The following PEX14 variants were observed in gnomAD, a reference collection of about 807,000 sequenced individuals.
PEX14 encodes the protein peroxisomal membrane protein PEX14.
PEX14 carries 15 observed loss-of-function variants against 49.5 expected under a neutral mutation model. That is an observed-to-expected ratio of 0.30 (90% CI 0.20 to 0.47). PEX14 has a LOEUF of 0.47. Among genes scored for constraint, PEX14 ranks in the 20% least tolerant of loss-of-function variants. PEX14 has a pLI of 1.00. For missense variants in PEX14, 398 were observed against 494.8 expected (o/e 0.80, Z 1.86); for synonymous variants, 210 against 212.7 (o/e 0.99, Z 0.11).
At chr1:10,535,229 G>A (rs1201496379) in intron 2 of PEX14, among the ~76,000 whole-genome samples, 1 of 152,246 alleles carries the variant, frequency 6.6e-6, no homozygotes, top group Admixed American at 6.5e-5. Flanking sequence ...TAGGGCTGGT[G>A]TCTGGGGTGG....
chr1:10,615,103 C>T (rs1410363686), intron 4 of PEX14, among the ~76,000 whole-genome samples: 3 of 152,158 alleles, frequency 2.0e-5, no homozygotes, highest in Admixed American at 2.0e-4. Flanking sequence ...TTCTTAGACA[C>T]CGAGTGTCAC....
At chr1:10,550,795 G>A (rs959404095) in intron 3 of PEX14, among the ~76,000 whole-genome samples, 2 of 152,166 alleles carry the variant, frequency 1.3e-5, no homozygotes, top group African/African-American at 4.8e-5. Context: ...CTGCGCCTGT[G>A]CTCTCCCCTT....
chr1:10,552,324 C>A (rs575420802), intron 3 of PEX14, among the ~76,000 whole-genome samples: 1 of 152,128 alleles, frequency 6.6e-6, no homozygotes, highest in Non-Finnish European at 1.5e-5. Context: ...CGCCTGTAAT[C>A]CCAGTTACTC....
Position 10,629,737 on chromosome 1 carries a change from C to T in PEX14, c.884C>T (p.Pro295Leu). 1 of 1,597,230 alleles carries T rather than the reference C, an allele frequency of 6.3e-7. No homozygotes were observed. The highest frequency in any genetic ancestry group is 8.5e-7 in the Non-Finnish European group (1 of 1,171,858). Residue 295 changes from proline (P) to leucine (L), a missense_variant, in exon 9 of 9, where the codon CCC becomes CTC. Around this residue, in one of 3 missense-constraint regions of PEX14, gnomAD observed 140 missense variants for 155.5 expected, o/e 0.90. Coordinates refer to ENST00000356607, the MANE Select transcript of PEX14 (RefSeq NM_004565.3). The surrounding 1 kb of genome is among the most constrained non-coding windows in gnomAD (Gnocchi z 8.5). Reference protein sequence around the residue: ...GSTVTYHLLGPQEEGEGVVDV... With the variant: ...GSTVTYHLLGLQEEGEGVVDV... ...ACGGTCACCTACCACTTGCTGGGCCCCCAGGAGGAAGGCGAGGGGGTGGTG... is the reference window on the plus strand; with the variant it reads ...ACGGTCACCTACCACTTGCTGGGCCTCCAGGAGGAAGGCGAGGGGGTGGTG...
intron 2 of PEX14, chr1:10,524,495 G>A (rs1335110401): frequency 4.9e-6 from 4 of 810,582 alleles, no homozygotes; most frequent in Non-Finnish European, 6.0e-6. Flanking sequence ...TGAGAATTGT[G>A]TAAATTTTGT....
intron 3 of PEX14, among the ~76,000 whole-genome samples, chr1:10,577,857 T>A (rs886284928): frequency 6.6e-6 from 1 of 151,324 alleles, no homozygotes; most frequent in Non-Finnish European, 1.5e-5. Flanking sequence ...ATACCCAGCC[T>A]GGACACAGTA....
chr1:10,490,295 C>T (rs673254), intron 1 of PEX14, among the ~76,000 whole-genome samples: 60,145 of 151,966 alleles, frequency 0.4, 13,480 homozygotes, highest in Non-Finnish European at 0.51. Context: ...TCACAGTCAC[C>T]GGGCAGATGC....
intron 3 of PEX14, among the ~76,000 whole-genome samples, chr1:10,591,792 G>A (rs1640676174): frequency 6.6e-6 from 1 of 152,058 alleles, no homozygotes; most frequent in Non-Finnish European, 1.5e-5. Flanking sequence ...TGCAGACTCT[G>A]TCAAGTGGCA....
In PEX14 at chr1:10,548,151, A is replaced by G. The variant is rs144250837; in HGVS notation, c.169+11854A>G. Among the ~76,000 whole-genome samples, 487 of 152,348 alleles carry G rather than the reference A, an allele frequency of 3.2e-3. 7 individuals carry two copies. Among genetic ancestry groups the G allele is most frequent in the African/African-American group, 0.011 (463 of 41,582 alleles). ...AGAATCGCTTGAACCCTGGAGGCGG[A>G]GGTTGCAGTGAGCTGAGATCGCGCC... On this transcript the variant is annotated intron_variant, in intron 3 of 8. Transcript: ENST00000356607.
intron 5 of PEX14, among the ~76,000 whole-genome samples, chr1:10,620,108 CCTT>C (rs1641546112): frequency 6.6e-6 from 1 of 151,740 alleles, no homozygotes; most frequent in Admixed American, 6.6e-5. Flanking sequence ...GAGCAAGACT[CCTT>C]CTCAAAAAAG....
At position 10,624,359 on chromosome 1, in the gene PEX14, C is replaced by T. The variant is rs374000675; in HGVS notation, c.507C>T (p.Thr169=). ...VAQTVTQLQT[T]LASVQELLIQ... is the part of the protein sequence containing the mutation. ...TCGCAGTGACTCAGTTACAGACGACCCTCGCCTCCGTCCAGGAGCTGCTGA... is the reference window on the plus strand; with the variant it reads ...TCGCAGTGACTCAGTTACAGACGACTCTCGCCTCCGTCCAGGAGCTGCTGA... Residue 169 remains threonine, a synonymous_variant, in exon 7 of 9, where the codon ACC becomes ACT. Coordinates refer to ENST00000356607, the MANE Select transcript of PEX14 (RefSeq NM_004565.3). 3 of 1,612,924 alleles carry T rather than the reference C, an allele frequency of 1.9e-6. No homozygotes were observed. Among genetic ancestry groups the T allele is most frequent in the Non-Finnish European group, 2.5e-6 (3 of 1,179,370 alleles).
chr1:10,604,133 A>G (rs1641063449), intron 4 of PEX14, among the ~76,000 whole-genome samples: 1 of 152,174 alleles, frequency 6.6e-6, no homozygotes, highest in South Asian at 2.1e-4. Flanking sequence ...TCTGGTAGGA[A>G]AGACGGTTAG....
chr1:10,544,142 A>C (rs551036386), intron 3 of PEX14, among the ~76,000 whole-genome samples: 1 of 152,280 alleles, frequency 6.6e-6, no homozygotes, highest in South Asian at 2.1e-4. Flanking sequence ...CTATGACCCT[A>C]GTATGTAGTG....
intron 4 of PEX14, among the ~76,000 whole-genome samples, chr1:10,614,895 C>T (rs754865779): frequency 2.0e-5 from 3 of 152,174 alleles, no homozygotes; most frequent in African/African-American, 4.8e-5. Context: ...GTATCTGGAG[C>T]GCCAAGCAAA....
chr1:10,540,171 C>G (rs1378350793), intron 3 of PEX14, among the ~76,000 whole-genome samples: 3 of 152,328 alleles, frequency 2.0e-5, no homozygotes, highest in East Asian at 3.9e-4. Flanking sequence ...ACCCCGGTAG[C>G]AAAACCGCCT....
At chr1:10,622,509 A>G (rs1023168998) in intron 5 of PEX14, among the ~76,000 whole-genome samples, 1 of 152,160 alleles carries the variant, frequency 6.6e-6, no homozygotes, top group Non-Finnish European at 1.5e-5. Context: ...TTCTCCAGCG[A>G]TGTTTTGTTT....
At chr1:10,498,649 CA>C (rs1641612134) in intron 2 of PEX14, among the ~76,000 whole-genome samples, 1 of 152,216 alleles carries the variant, frequency 6.6e-6, no homozygotes, top group East Asian at 1.9e-4. Context: ...CAAACCAACC[CA>C]GCAACATTGA....
chr1:10,620,627 A>T (rs945915424), intron 5 of PEX14, among the ~76,000 whole-genome samples: 7 of 152,092 alleles, frequency 4.6e-5, no homozygotes, highest in Admixed American at 2.0e-4. Flanking sequence ...GTCTCTACTG[A>T]TAATACAAAA....
intron 3 of PEX14, among the ~76,000 whole-genome samples, chr1:10,596,110 G>A (rs1298257325): frequency 6.6e-6 from 1 of 152,206 alleles, no homozygotes; most frequent in East Asian, 1.9e-4. Context: ...GCCAATGACT[G>A]GGCAGATAAC....
Sources: allele counts gnomAD v4.1 joint callset (sites outside exome capture counted in the v4.1 genomes callset), GRCh38; gene constraint gnomAD v4.1.1; regional missense constraint gnomAD v4.1.1; non-coding constraint Gnocchi (gnomAD v3.1); transcripts MANE v1.5; gene names NCBI Gene and HGNC (gene_info 2026-07-23, HGNC 2026-07-21).